The following GNE variants were observed in gnomAD, a reference collection of about 807,000 sequenced individuals.
GNE encodes the protein glucosamine (UDP-N-acetyl)-2-epimerase/N-acetylmannosamine kinase, also known as bifunctional UDP-N-acetylglucosamine 2-epimerase/N-acetylmannosamine kinase.
GNE carries 41 observed loss-of-function variants against 61.8 expected under a neutral mutation model. That is an observed-to-expected ratio of 0.66 (90% CI 0.52 to 0.86). The LOEUF is 0.86. Among genes scored for constraint, GNE ranks in the 40% least tolerant of loss-of-function variants. GNE has a pLI of 0.00. For synonymous variants in GNE, 264 were observed against 326.4 expected (o/e 0.81, Z 2.06); for missense variants, 608 against 909.1 (o/e 0.67, Z 4.26).
At chr9:36,247,138 C>T (rs1284052450) in intron 2 of GNE, among the ~76,000 whole-genome samples, 1 of 151,888 alleles carries the variant, frequency 6.6e-6, no homozygotes, top group Non-Finnish European at 1.5e-5. Context: ...CTCACTGCAA[C>T]CTCCACCTCC....
chr9:36,228,277 TTTTATC>T (rs1269252648), intron 6 of GNE, among the ~76,000 whole-genome samples: 1 of 151,842 alleles, frequency 6.6e-6, no homozygotes, highest in African/African-American at 2.4e-5. Context: ...TTTTTTTAGT[TTTTATC>T]TTTATATTTC....
At chr9:36,253,103 G>A (rs897114392) in intron 1 of GNE, among the ~76,000 whole-genome samples, 8 of 151,910 alleles carry the variant, frequency 5.3e-5, no homozygotes, top group Non-Finnish European at 1.0e-4. Context: ...CGGAGCTTGC[G>A]GTGAGCCAAG....
intron 1 of GNE, among the ~76,000 whole-genome samples, chr9:36,269,907 C>T (rs1304785327): frequency 6.6e-6 from 1 of 152,100 alleles, no homozygotes; most frequent in Non-Finnish European, 1.5e-5. Flanking sequence ...GGTGATCCGC[C>T]CATCTTGGCC....
At chr9:36,242,085 G>A (rs561985604) in intron 3 of GNE, among the ~76,000 whole-genome samples, 2 of 151,992 alleles carry the variant, frequency 1.3e-5, no homozygotes, top group Admixed American at 1.3e-4. Context: ...GCAGTGAGTC[G>A]AGACTGCGCT....
chr9:36,236,366 A>AATT (rs1410581197), intron 4 of GNE, among the ~76,000 whole-genome samples: 2 of 152,028 alleles, frequency 1.3e-5, no homozygotes, highest in East Asian at 3.9e-4. Flanking sequence ...GTGGCTGGCT[A>AATT]ATTATTGTAT....
Position 36,228,985 on chromosome 9 carries a change from T to G in GNE, c.1070+36A>C, listed in dbSNP as rs377589477. ...AAAATGGTACTGAAGGTAGCTCCCC[T>G]TTTAAATCACTCAACAAAGAATGTT... is the stretch of plus-strand genomic sequence containing the variant. On this transcript the variant is annotated intron_variant, in intron 6 of 11. Coordinates refer to ENST00000642385, the MANE Select transcript of GNE (RefSeq NM_005476.7). The G allele has an allele frequency of 2.2e-4, 265 of 1,182,674 alleles. No individual in the cohort carries two copies. Among genetic ancestry groups the G allele is most frequent in the Non-Finnish European group, 3.1e-4 (244 of 785,996 alleles). The allele number at this position is 1,182,674 out of a possible 1,614,324, so 73.3% of individuals were successfully genotyped here. A position where few individuals can be genotyped will look rare whatever the true frequency, so the allele number is the denominator to read the frequency against.
At chr9:36,258,139 G>A (rs2133164699) in intron 1 of GNE, among the ~76,000 whole-genome samples, 182 bp downstream of exon 1, 1 of 152,356 alleles carries the variant, frequency 6.6e-6, no homozygotes, top group South Asian at 2.1e-4. Context: ...TTGGGCCAAA[G>A]AGGTGCCCTA....
intron 1 of GNE, among the ~76,000 whole-genome samples, chr9:36,265,925 T>TTTTTA (rs1168834089): frequency 6.6e-6 from 1 of 151,972 alleles, no homozygotes; most frequent in Non-Finnish European, 1.5e-5. Context: ...CCCAGTTATT[T>TTTTTA]TTTTATTTTA....
intron 3 of GNE, among the ~76,000 whole-genome samples, chr9:36,242,814 G>C (rs548818804): frequency 1.1e-3 from 160 of 145,986 alleles, no homozygotes; most frequent in Admixed American, 3.5e-3. Context: ...GTGCAATCTC[G>C]GCTCACAGCA....
In GNE at chr9:36,234,088, G is replaced by A; in HGVS notation, c.814C>T (p.His272Tyr). The stretch of plus-strand genomic sequence containing the variant: ...TTAACTGCACGAAAGTTGGGATGAT[G>A]CTCAATGCCCTTCTTCCGCATCACT... ...VRVMRKKGIE[H>Y]HPNFRAVKHV... Residue 272 changes from histidine (H) to tyrosine (Y), a missense_variant, in exon 5 of 12, where the codon CAT becomes TAT. Coordinates refer to ENST00000642385, the MANE Select transcript of GNE (RefSeq NM_005476.7). 2 of 1,614,064 alleles carry A rather than the reference G, an allele frequency of 1.2e-6. No individual in the cohort carries two copies. The highest frequency in any genetic ancestry group is 1.7e-6 in the Non-Finnish European group (2 of 1,179,916).
At chr9:36,228,032 C>CAAAAA (rs1385568208) in intron 6 of GNE, among the ~76,000 whole-genome samples, 2 of 46,868 alleles carry the variant, frequency 4.3e-5, no homozygotes, top group African/African-American at 1.4e-4. Flanking sequence ...GACTCCGTCT[C>CAAAAA]AAAAAAAAAA....
chr9:36,270,269 C>T (rs746763885), intron 1 of GNE, among the ~76,000 whole-genome samples: 4 of 152,084 alleles, frequency 2.6e-5, no homozygotes, highest in Non-Finnish European at 5.9e-5. Context: ...GGCCTTAGTT[C>T]AGATCTTATC....
chr9:36,265,435 G>C (rs1361051516), intron 1 of GNE: 1 of 456,674 alleles, frequency 2.2e-6, no homozygotes, highest in Non-Finnish European at 4.4e-6. Flanking sequence ...ATGGAAGGGA[G>C]TCAAGGATGT....
At chr9:36,235,142 C>T (rs769583804) in intron 4 of GNE, among the ~76,000 whole-genome samples, 15 of 152,082 alleles carry the variant, frequency 9.9e-5, no homozygotes, top group African/African-American at 1.4e-4. Context: ...TTCCTTTGAG[C>T]GTCATATTGG....
At position 36,216,678 on chromosome 9, in the gene GNE, A is replaced by G. The variant is rs1828323136; in HGVS notation, c.*687T>C. 8.5e-6 allele frequency: 1 copy of G among 116,972 alleles called. No individual in the cohort carries two copies. Among genetic ancestry groups the G allele is most frequent in the Non-Finnish European group, 1.8e-5 (1 of 56,120 alleles). The allele number at this position is 116,972 out of a possible 1,614,324, so 7.2% of individuals were successfully genotyped here. On this transcript the variant is annotated 3_prime_UTR_variant, in exon 12 of 12. Coordinates refer to ENST00000642385, the MANE Select transcript of GNE (RefSeq NM_005476.7). ...ATTATTATTATTATTATTATTTATT[A>G]TTATTATTTTTGAGATGGAGTCTTG...
In GNE at chr9:36,248,978, T is replaced by C. The variant is rs116002444; in HGVS notation, c.164+214A>G. 9.1e-3 allele frequency among the ~76,000 whole-genome samples: 1,393 copies of C among 152,326 alleles called. 20 individuals are homozygous for C. The highest frequency in any genetic ancestry group is 0.031 in the African/African-American group (1,271 of 41,566). On this transcript the variant is annotated intron_variant, in intron 2 of 11. Transcript: ENST00000642385. ...TCATTGTGATGGATGCTCTATATCA[T>C]GATCTCCATTCCTCACAATAATTTA...
At chr9:36,273,319 C>T (rs1298848210) in intron 1 of GNE, among the ~76,000 whole-genome samples, 1 of 150,774 alleles carries the variant, frequency 6.6e-6, no homozygotes, top group Non-Finnish European at 1.5e-5. Context: ...TGGGTTCAAG[C>T]AATTCTTCTG....
intron 1 of GNE, among the ~76,000 whole-genome samples, chr9:36,275,089 C>T (rs951818508): frequency 1.3e-5 from 2 of 152,176 alleles, no homozygotes; most frequent in African/African-American, 4.8e-5. Flanking sequence ...CAGTCCAAAC[C>T]CAAATATTCA....
chr9:36,241,065 A>G (rs910508763), intron 3 of GNE, among the ~76,000 whole-genome samples: 4 of 150,954 alleles, frequency 2.6e-5, no homozygotes, highest in African/African-American at 2.4e-5. Context: ...AATCTTGCCA[A>G]TGGTCTAACA....
Sources: gnomAD v4.1 joint callset for allele counts (sites outside exome capture counted in the v4.1 genomes callset) on GRCh38, gnomAD v4.1.1 for gene constraint, MANE v1.5 for transcripts, NCBI Gene and HGNC (gene_info 2026-07-23, HGNC 2026-07-21) for gene names.